Variants in JAML observed in about 807,000 individuals in gnomAD.
JAML encodes junction adhesion molecule like.
Under a neutral mutation model 39.3 loss-of-function variants are expected in JAML, and 25 were observed. The observed-to-expected ratio is 0.64, with a 90% CI of 0.46 to 0.89. The LOEUF is 0.89. Among genes scored for constraint, JAML ranks in the 40% least tolerant of loss-of-function variants. JAML has a pLI of 0.00. For missense variants in JAML, 440 were observed against 486.9 expected (o/e 0.90, Z 0.91); for synonymous variants, 162 against 179.2 (o/e 0.90, Z 0.77).
At chr11:118,194,826 C>T (rs1428774613) in intron 9 of JAML, among the ~76,000 whole-genome samples, 3 of 152,226 alleles carry the variant, frequency 2.0e-5, no homozygotes, top group Admixed American at 2.0e-4. Flanking sequence ...TATCAGAGAA[C>T]ACCTTTATAA....
intron 8 of JAML, 30 bp downstream of exon 8, chr11:118,197,968 T>G: frequency 6.3e-7 from 1 of 1,594,354 alleles, no homozygotes; most frequent in Non-Finnish European, 8.6e-7. Context: ...CTGCATCTAC[T>G]TAGTGTTTTA....
chr11:118,218,356 G>A (rs1047147389), intron 1 of JAML, among the ~76,000 whole-genome samples: 2 of 152,188 alleles, frequency 1.3e-5, no homozygotes, highest in African/African-American at 2.4e-5. Flanking sequence ...GCCTACCAAA[G>A]GGCTGGGACT....
Position 118,200,704 on chromosome 11 carries a change from C to A in JAML, c.773-92G>T, listed in dbSNP as rs540245894. The A allele has an allele frequency of 7.4e-6, 11 of 1,484,022 alleles. No individual in the cohort carries two copies. The African/African-American group carries it at 1.4e-4, about 19-fold the overall frequency. 91.9% of individuals were successfully genotyped at this position (1,484,022 alleles called of 1,614,324 possible). The stretch of plus-strand genomic sequence containing the variant: ...CCTATACCAAGTAGCACCAGCCAGG[C>A]CACGAAGCGGAGGGGAAGGCCAGAC... On this transcript the variant is annotated intron_variant, in intron 6 of 9. Transcript: ENST00000356289.
At chr11:118,214,939 T>C (rs1216728011) in intron 1 of JAML, 53 bp from the exon 2 acceptor site, 4 of 1,535,466 alleles carry the variant, frequency 2.6e-6, no homozygotes, top group Admixed American at 3.4e-5. Flanking sequence ...AGCTCATTAA[T>C]TTAAAAAACC....
intron 5 of JAML, chr11:118,204,402 T>C (rs1948875103): frequency 1.3e-5 from 2 of 152,536 alleles, no homozygotes; most frequent in African/African-American, 4.8e-5. Context: ...CCCACTCCCA[T>C]TTCTACTAAA....
chr11:118,208,102 A>ACAGATGCG (rs977637707), intron 4 of JAML, among the ~76,000 whole-genome samples: 1 of 151,914 alleles, frequency 6.6e-6, no homozygotes, highest in African/African-American at 2.4e-5. Flanking sequence ...ATGGTGATGC[A>ACAGATGCG]CACCTATGGA....
chr11:118,210,401 C>A, intron 4 of JAML, 86 bp downstream of exon 4: 2 of 1,315,528 alleles, frequency 1.5e-6, no homozygotes, highest in South Asian at 1.3e-5. Context: ...CAAAGGCTGG[C>A]ATTTACTCAA....
chr11:118,220,908 T>G (rs1370210465), intron 1 of JAML, among the ~76,000 whole-genome samples: 2 of 152,190 alleles, frequency 1.3e-5, no homozygotes, highest in African/African-American at 2.4e-5. Context: ...TTCTAGCCCC[T>G]GATGGCCTTA....
chr11:118,199,473 G>A (rs1406656992), intron 7 of JAML, among the ~76,000 whole-genome samples: 1 of 152,030 alleles, frequency 6.6e-6, no homozygotes, highest in Non-Finnish European at 1.5e-5. Context: ...TCAAAAGTCA[G>A]GACTATTCAT....
intron 6 of JAML, 78 bp downstream of exon 6, chr11:118,203,350 T>C: frequency 7.4e-7 from 1 of 1,349,180 alleles, no homozygotes; most frequent in African/African-American, 1.4e-5. Flanking sequence ...CCTAGGAACC[T>C]CTCCGGCCTC....
At chr11:118,212,374 T>A in intron 3 of JAML, 33 bp downstream of exon 3, 1 of 1,608,144 alleles carries the variant, frequency 6.2e-7, no homozygotes, top group East Asian at 2.2e-5. Flanking sequence ...AGTCAGGGGC[T>A]TCTATTACAT....
intron 1 of JAML, among the ~76,000 whole-genome samples, chr11:118,221,359 A>G (rs1334429761): frequency 1.3e-5 from 2 of 152,148 alleles, no homozygotes; most frequent in African/African-American, 2.4e-5. Context: ...ATTTTTCCCC[A>G]TGGAAAACAA....
chr11:118,200,777 A>C (rs1948776272), intron 6 of JAML, 165 bp from the exon 7 acceptor site: 4 of 701,926 alleles, frequency 5.7e-6, no homozygotes, highest in Non-Finnish European at 6.9e-6. Context: ...TGAGATTGAG[A>C]ACCAAAGTCT....
At chr11:118,210,076 A>G (rs1029989751) in intron 4 of JAML, among the ~76,000 whole-genome samples, 3 of 152,174 alleles carry the variant, frequency 2.0e-5, no homozygotes, top group Non-Finnish European at 4.4e-5. Context: ...TAGGGTACCT[A>G]TAAAATACAG....
chr11:118,203,524 C>T lies in JAML; in HGVS notation c.676G>A (p.Glu226Lys). ...CAGGTGTAGTTTCCTCCATCTGACT[C>T]CCTCACTCCTTGAAGCATGATGGAA... ...DGSIMLQGVR[E>K]SDGGNYTCSI... Residue 226 changes from glutamate to lysine, a missense_variant, in exon 6 of 10, where the codon GAG (glutamate) becomes AAG (lysine). Physicochemically the swap from Glu to Lys is moderately conservative, Grantham distance 56 (BLOSUM62 1). Transcript: ENST00000356289. 9.9e-6 allele frequency: 16 copies of T among 1,614,180 alleles called. No individual in the cohort carries two copies. The highest frequency in any genetic ancestry group is 1.3e-5 in the Non-Finnish European group (15 of 1,180,026).
chr11:118,194,082 C>G lies in JAML; in HGVS notation c.*243G>C. On this transcript the variant is annotated 3_prime_UTR_variant, in exon 10 of 10. Transcript: ENST00000356289. ...AGGCCACTCAGCTCAGCCTGGTTCC[C>G]AGGGCCAGTGTCCCACTCCAGAGGC... is the stretch of plus-strand genomic sequence containing the variant. The G allele has an allele frequency of 2.1e-6, 1 of 472,194 alleles. No individual in the cohort carries two copies. The highest frequency in any genetic ancestry group is 3.3e-5 in the Admixed American group (1 of 30,318). 29.3% of individuals were successfully genotyped at this position (472,194 alleles called of 1,614,324 possible).
chr11:118,203,371 T>C (rs1195588582), intron 6 of JAML, 57 bp downstream of exon 6: 8 of 1,503,368 alleles, frequency 5.3e-6, no homozygotes. Flanking sequence ...ACTCTAGTCC[T>C]GGCGCCATGC....
At chr11:118,215,041 A>G (rs1949121964) in intron 1 of JAML, 155 bp from the exon 2 acceptor site, 1 of 628,840 alleles carries the variant, frequency 1.6e-6, no homozygotes, top group Non-Finnish European at 2.8e-6. Flanking sequence ...GCTCATTTGC[A>G]GTTTGTATGC....
intron 9 of JAML, among the ~76,000 whole-genome samples, chr11:118,194,969 C>T (rs756880965): frequency 6.6e-6 from 1 of 152,230 alleles, no homozygotes; most frequent in Non-Finnish European, 1.5e-5. Context: ...TCTTCTCTTA[C>T]TCTATTGGAT....
Sources: allele counts gnomAD v4.1 joint callset (sites outside exome capture counted in the v4.1 genomes callset), GRCh38; gene constraint gnomAD v4.1.1; transcripts MANE v1.5; gene names NCBI Gene and HGNC (gene_info 2026-07-23, HGNC 2026-07-21).